Variants in DSCAML1 observed in about 807,000 individuals in gnomAD.
DSCAML1 encodes the protein DS cell adhesion molecule like 1.
Under a neutral mutation model 200.5 loss-of-function variants are expected in DSCAML1, and 38 were observed. The ratio of observed to expected loss-of-function variants is 0.19; its 90% CI spans 0.15 to 0.25. DSCAML1 has a LOEUF of 0.25. Ranked by LOEUF, DSCAML1 falls within the 10% of genes least tolerant of loss-of-function variation. DSCAML1 has a pLI of 1.00. For synonymous variants in DSCAML1, 1,215 were observed against 1,165.0 expected, an observed-to-expected ratio of 1.04 and a Z score of -0.87; for missense variants, 2,223 against 2,858.8, an observed-to-expected ratio of 0.78 and a Z score of 5.07.
chr11:117,430,610 C>G (rs1462224209), intron 32 of DSCAML1, 112 bp downstream of exon 32: 4 of 1,317,128 alleles, frequency 3.0e-6, no homozygotes, highest in Non-Finnish European at 4.1e-6. Flanking sequence ...GCCAAGGAGC[C>G]AAGCTGGGCT....
intron 3 of DSCAML1, among the ~76,000 whole-genome samples, chr11:117,604,123 C>G (rs969967188): frequency 2.9e-4 from 44 of 152,170 alleles, no homozygotes; most frequent in Admixed American, 9.8e-4. Flanking sequence ...AGCCTGAGCT[C>G]ATTACCGACA....
intron 1 of DSCAML1, among the ~76,000 whole-genome samples, chr11:117,786,690 C>T (rs1346511411): frequency 2.6e-5 from 4 of 152,160 alleles, no homozygotes; most frequent in Non-Finnish European, 4.4e-5. Flanking sequence ...CTGTAATCAT[C>T]GTAAAGGACA....
chr11:117,786,713 T>G (rs1174552626), intron 1 of DSCAML1, among the ~76,000 whole-genome samples: 3 of 152,204 alleles, frequency 2.0e-5, no homozygotes, highest in Non-Finnish European at 4.4e-5. Flanking sequence ...CCGAGGGGAC[T>G]GAAATATTAA....
At chr11:117,659,546 G>A (rs1217535420) in intron 3 of DSCAML1, among the ~76,000 whole-genome samples, 2 of 152,144 alleles carry the variant, frequency 1.3e-5, no homozygotes, top group African/African-American at 2.4e-5. Context: ...GTTTAAGCAC[G>A]GGTCTTATTG....
intron 8 of DSCAML1, among the ~76,000 whole-genome samples, chr11:117,510,136 G>A (rs1001568522): frequency 6.6e-6 from 1 of 152,208 alleles, no homozygotes; most frequent in East Asian, 1.9e-4. Flanking sequence ...AGAGGAAGGC[G>A]TGCTGACCAC....
intron 3 of DSCAML1, among the ~76,000 whole-genome samples, chr11:117,713,677 A>G (rs1017691400): frequency 1.3e-5 from 2 of 152,220 alleles, no homozygotes; most frequent in Non-Finnish European, 2.9e-5. Context: ...AACATAATGA[A>G]CATAAAAATT....
chr11:117,627,101 T>C, intron 3 of DSCAML1, among the ~76,000 whole-genome samples: 1 of 152,190 alleles, frequency 6.6e-6, no homozygotes, highest in Non-Finnish European at 1.5e-5. Flanking sequence ...AGCAGATAAT[T>C]AATTTTCTAA....
chr11:117,495,297 C>T (rs573877317), intron 11 of DSCAML1, among the ~76,000 whole-genome samples: 2 of 152,348 alleles, frequency 1.3e-5, no homozygotes, highest in East Asian at 3.9e-4. Flanking sequence ...ATATCCTCCC[C>T]AGCACCTGGC....
chr11:117,482,211 T>C, intron 11 of DSCAML1, 49 bp from the exon 12 acceptor site: 5 of 1,605,854 alleles, frequency 3.1e-6, no homozygotes, highest in Non-Finnish European at 3.4e-6. Flanking sequence ...GAGACCAGCC[T>C]GGAGGAGGCA....
chr11:117,503,408 G>A lies in DSCAML1; in HGVS notation c.2359+437C>T, dbSNP rs1324400285. On this transcript the variant is annotated intron_variant, in intron 11 of 32. Transcript: ENST00000651296. This position sits in a 1 kb window ranked among gnomAD's most constrained non-coding sequence, Gnocchi z 5.2. Reference sequence around the variant, plus strand: ...CAGGCTGATCTGGAATTGGAACCCAGGTTTTCTGACCTATAGCCCCTTCTT... The same window carrying A: ...CAGGCTGATCTGGAATTGGAACCCAAGTTTTCTGACCTATAGCCCCTTCTT... Among the ~76,000 whole-genome samples the A allele has an allele frequency of 6.6e-6, 1 of 152,192 alleles. No homozygotes were observed. The highest frequency in any genetic ancestry group is 6.5e-5 in the Admixed American group (1 of 15,286).
chr11:117,810,977 A>G (rs2055756059), intron 1 of DSCAML1, among the ~76,000 whole-genome samples: 1 of 151,924 alleles, frequency 6.6e-6, no homozygotes, highest in Admixed American at 6.6e-5. Flanking sequence ...TCGCCAGACC[A>G]AGCTAGGTCC....
intron 3 of DSCAML1, among the ~76,000 whole-genome samples, chr11:117,769,354 TATATATTTTATATA>T (rs2054976081): frequency 3.0e-4 from 1 of 3,334 alleles, no homozygotes; most frequent in Non-Finnish European, 1.4e-3. Context: ...TTATATATAT[TATATATTTTATATA>T]ATATATATTT....
chr11:117,767,302 GAAT>G (rs1272783462), intron 3 of DSCAML1, among the ~76,000 whole-genome samples: 2 of 151,978 alleles, frequency 1.3e-5, no homozygotes, highest in African/African-American at 4.8e-5. Flanking sequence ...TGCAAAATGG[GAAT>G]AATAATAATA....
rs1033352101 is a variant in DSCAML1 at position 117,504,493 on chromosome 11, G to A, written c.2182+431C>T. Among the ~76,000 whole-genome samples, 7 of 152,154 alleles carry A rather than the reference G, an allele frequency of 4.6e-5. No individual in the cohort carries two copies. Among genetic ancestry groups the A allele is most frequent in the Non-Finnish European group, 1.0e-4 (7 of 68,022 alleles). ...AGTGTCAGTCACGAATACAGTCTAG[G>A]ATTGGGCCTCAGTCAGAAAGCAAAG... On this transcript the variant is annotated intron_variant, in intron 10 of 32. Coordinates refer to ENST00000651296, the MANE Select transcript of DSCAML1 (RefSeq NM_020693.4). The surrounding 1 kb of genome is among the most constrained non-coding windows in gnomAD (Gnocchi z 5.0).
chr11:117,736,337 A>G (rs1360186439), intron 3 of DSCAML1, among the ~76,000 whole-genome samples: 4 of 152,224 alleles, frequency 2.6e-5, no homozygotes, highest in African/African-American at 9.7e-5. Flanking sequence ...GGGCATCTCA[A>G]TATGGCTGTT....
At chr11:117,622,592 G>A (rs940696293) in intron 3 of DSCAML1, among the ~76,000 whole-genome samples, 5 of 152,170 alleles carry the variant, frequency 3.3e-5, no homozygotes, top group African/African-American at 1.2e-4. Context: ...CTCCACTCCA[G>A]AGTCCTGGAG....
intron 3 of DSCAML1, among the ~76,000 whole-genome samples, chr11:117,658,505 G>C (rs1297794631): frequency 1.3e-5 from 2 of 152,302 alleles, no homozygotes; most frequent in South Asian, 2.1e-4. Flanking sequence ...TTCAGAGAGA[G>C]AGACCTGAGA....
At chr11:117,597,704 C>A (rs894410945) in intron 3 of DSCAML1, among the ~76,000 whole-genome samples, 3 of 152,172 alleles carry the variant, frequency 2.0e-5, no homozygotes, top group Admixed American at 6.5e-5. Context: ...GATCCACCCG[C>A]TTCGGCCTCC....
rs532581161 is a variant in DSCAML1, at chr11:117,443,634, C to CGG, written c.3862+250_3862+251dup. On this transcript the variant is annotated intron_variant, in intron 21 of 32. Coordinates refer to ENST00000651296, the MANE Select transcript of DSCAML1 (RefSeq NM_020693.4). ...TCAAGCTGGGAGTAGGGTTTGGACTCGGGAACTGAGTGCACCCTGTCCACC... is the reference window on the plus strand; with the variant it reads ...TCAAGCTGGGAGTAGGGTTTGGACTCGGGGGAACTGAGTGCACCCTGTCCACC... Among the ~76,000 whole-genome samples the CGG allele has an allele frequency of 5.1e-4, 78 of 152,294 alleles. 2 individuals are homozygous for CGG. The East Asian group carries it at 0.014, about 27-fold the overall frequency.
Sources: allele counts gnomAD v4.1 joint callset (sites outside exome capture counted in the v4.1 genomes callset), GRCh38; gene constraint gnomAD v4.1.1; non-coding constraint Gnocchi (gnomAD v3.1); transcripts MANE v1.5; gene names NCBI Gene and HGNC (gene_info 2026-07-23, HGNC 2026-07-21).